Variants in MIPOL1 observed in about 807,000 individuals in gnomAD.
MIPOL1 encodes the protein mirror-image polydactyly 1, also known as mirror-image polydactyly gene 1 protein.
MIPOL1 carries 57 observed loss-of-function variants against 60.9 expected under a neutral mutation model. The observed-to-expected ratio is 0.94, with a 90% CI of 0.76 to 1.17. The LOEUF is 1.17. Among genes scored for constraint, MIPOL1 ranks in the 50% most tolerant of loss-of-function variants. The pLI is 0.00. For synonymous variants in MIPOL1, 179 were observed against 168.8 expected, an observed-to-expected ratio of 1.06 and a Z score of -0.47; for missense variants, 551 against 511.6, an observed-to-expected ratio of 1.08 and a Z score of -0.74.
intron 3 of MIPOL1, among the ~76,000 whole-genome samples, chr14:37,261,515 G>C (rs1275479819): frequency 6.6e-6 from 1 of 151,808 alleles, no homozygotes; most frequent in Non-Finnish European, 1.5e-5. Flanking sequence ...ATAATAACTA[G>C]GAAAATAGAT....
At chr14:37,490,382 C>T (rs1157094739) in intron 11 of MIPOL1, among the ~76,000 whole-genome samples, 3 of 152,148 alleles carry the variant, frequency 2.0e-5, no homozygotes, top group African/African-American at 7.2e-5. Context: ...TCTTAACTTG[C>T]TGGGCTCCGT....
At chr14:37,351,840 T>C (rs1333391541) in intron 9 of MIPOL1, among the ~76,000 whole-genome samples, 1 of 149,308 alleles carries the variant, frequency 6.7e-6, no homozygotes. Flanking sequence ...TTGTGAAAAT[T>C]TTCTCCCATT....
At position 37,521,775 on chromosome 14, in the gene MIPOL1, T is replaced by G. The variant is rs571821921; in HGVS notation, c.1262+21637T>G. The stretch of plus-strand genomic sequence containing the variant: ...TCCATTTTAAAAAGCAAAAAAAGTT[T>G]AATAAAAATGTTATTCTTAGTTGCT... On this transcript the variant is annotated intron_variant, in intron 12 of 12. Transcript: ENST00000684589. 3.3e-5 allele frequency among the ~76,000 whole-genome samples: 5 copies of G among 152,002 alleles called. No homozygotes were observed. In the South Asian group the frequency reaches 1.0e-3, roughly 32 times the overall value.
chr14:37,431,639 C>G (rs1294936799), intron 11 of MIPOL1, among the ~76,000 whole-genome samples: 2 of 111,744 alleles, frequency 1.8e-5, no homozygotes, highest in Non-Finnish European at 3.3e-5. Flanking sequence ...AGTGCAGTGG[C>G]GCGATCTCAG....
chr14:37,244,315 G>A (rs1357503964), intron 1 of MIPOL1, among the ~76,000 whole-genome samples: 2 of 151,284 alleles, frequency 1.3e-5, no homozygotes, highest in African/African-American at 4.9e-5. Flanking sequence ...TAGAGACGGG[G>A]TTTCACCATG....
intron 9 of MIPOL1, among the ~76,000 whole-genome samples, chr14:37,334,037 T>C (rs2089932630): frequency 6.6e-6 from 1 of 151,996 alleles, no homozygotes; most frequent in Non-Finnish European, 1.5e-5. Context: ...AGAAAAGATA[T>C]TTAGAATAGG....
At chr14:37,494,228 A>G (rs1029285915) in intron 11 of MIPOL1, among the ~76,000 whole-genome samples, 3 of 152,212 alleles carry the variant, frequency 2.0e-5, no homozygotes, top group East Asian at 1.9e-4. Context: ...TAAAATTGCT[A>G]TATATAAATG....
intron 12 of MIPOL1, chr14:37,545,723 C>T (rs17179204): frequency 0.067 from 42,199 of 634,244 alleles, 1,703 homozygotes; most frequent in Non-Finnish European, 0.082. Context: ...GCATTATATG[C>T]AGTTGATTTG....
chr14:37,238,632 A>G (rs187167665), intron 1 of MIPOL1, among the ~76,000 whole-genome samples: 2 of 152,206 alleles, frequency 1.3e-5, no homozygotes, highest in Admixed American at 6.5e-5. Context: ...TCACCACATC[A>G]TAGAGATGAA....
At chr14:37,405,175 A>G (rs976327547) in intron 10 of MIPOL1, among the ~76,000 whole-genome samples, 2 of 152,188 alleles carry the variant, frequency 1.3e-5, no homozygotes, top group African/African-American at 2.4e-5. Context: ...GTAGTTCTAT[A>G]CAACAGTTAA....
intron 9 of MIPOL1, among the ~76,000 whole-genome samples, chr14:37,332,362 G>T (rs1388443418): frequency 1.3e-5 from 2 of 152,004 alleles, no homozygotes; most frequent in East Asian, 3.9e-4. Flanking sequence ...TATCACATTT[G>T]CTGATTTGCA....
At position 37,209,411 on chromosome 14, in the gene MIPOL1, C is replaced by T. The variant is rs536717009; in HGVS notation, c.-199+11307C>T. On this transcript the variant is annotated intron_variant, in intron 1 of 12. Coordinates refer to ENST00000684589, the MANE Select transcript of MIPOL1 (RefSeq NM_001388067.1). ...TGGTGGCTCACCCATGTAATCCCAGCACTTTGGGAGGCCGAGGCAGGAGGA... is the reference window on the plus strand; with the variant it reads ...TGGTGGCTCACCCATGTAATCCCAGTACTTTGGGAGGCCGAGGCAGGAGGA... Among the ~76,000 whole-genome samples the T allele has an allele frequency of 7.9e-5, 12 of 152,246 alleles. No individual in the cohort carries two copies. The East Asian group carries it at 1.9e-3, about 25-fold the overall frequency.
chr14:37,508,900 A>G (rs1157032747), intron 12 of MIPOL1, among the ~76,000 whole-genome samples: 1 of 150,782 alleles, frequency 6.6e-6, no homozygotes, highest in Non-Finnish European at 1.5e-5. Flanking sequence ...TCCTACTTGA[A>G]CTCTCATCAT....
At chr14:37,507,600 C>T (rs1412956003) in intron 12 of MIPOL1, 1 of 152,020 alleles carries the variant, frequency 6.6e-6, no homozygotes. Flanking sequence ...ACCGGGACCT[C>T]TCAGGGACTG....
At chr14:37,230,461 C>T (rs903040615) in intron 1 of MIPOL1, among the ~76,000 whole-genome samples, 2 of 152,168 alleles carry the variant, frequency 1.3e-5, no homozygotes, top group Non-Finnish European at 2.9e-5. Context: ...ATATCTCTAT[C>T]TTGTGGAGTA....
rs767373302 is a variant in MIPOL1 at position 37,549,975 on chromosome 14, A to G, written c.*3004A>G. 9 of 152,010 alleles carry G rather than the reference A, an allele frequency of 5.9e-5. No homozygotes were observed. The highest frequency in any genetic ancestry group is 1.2e-4 in the Non-Finnish European group (8 of 67,860). 9.4% of individuals were successfully genotyped at this position (152,010 alleles called of 1,614,324 possible). ...CCTAGAGCAATTTAGAGCTAAAACC[A>G]GTAATAAGCAAAGTTATTGGTTATA... On this transcript the variant is annotated 3_prime_UTR_variant, in exon 13 of 13. Transcript: ENST00000684589.
At chr14:37,475,366 G>T (rs1436852323) in intron 11 of MIPOL1, among the ~76,000 whole-genome samples, 1 of 152,070 alleles carries the variant, frequency 6.6e-6, no homozygotes, top group Non-Finnish European at 1.5e-5. Flanking sequence ...CCTATTTTGT[G>T]AATTGTCTTT....
At chr14:37,264,060 CTCTT>C (rs1422977503) in intron 3 of MIPOL1, among the ~76,000 whole-genome samples, 117 of 152,180 alleles carry the variant, frequency 7.7e-4, no homozygotes, top group Non-Finnish European at 1.2e-3. Flanking sequence ...TCAGCTAAAG[CTCTT>C]AGTAGCTTCG....
intron 10 of MIPOL1, chr14:37,401,250 A>G (rs1314426661): frequency 6.6e-6 from 1 of 152,136 alleles, no homozygotes; most frequent in African/African-American, 2.4e-5. Context: ...AACCCTATTC[A>G]AAGAAATAAT....
Sources: gnomAD v4.1 joint callset for allele counts (sites outside exome capture counted in the v4.1 genomes callset) on GRCh38, gnomAD v4.1.1 for gene constraint, MANE v1.5 for transcripts, NCBI Gene and HGNC (gene_info 2026-07-23, HGNC 2026-07-21) for gene names.